The following GSE1 variants were observed in gnomAD, a reference collection of about 807,000 sequenced individuals.
The protein encoded by GSE1 is genetic suppressor element 1.
GSE1 carries 32 observed loss-of-function variants against 112.6 expected under a neutral mutation model. That is an observed-to-expected ratio of 0.28 (90% CI 0.21 to 0.38). The LOEUF is 0.38. Ranked by LOEUF, GSE1 falls within the 10% of genes least tolerant of loss-of-function variation. GSE1 has a pLI of 1.00. For missense variants in GSE1, 2,348 were observed against 1,699.2 expected (o/e 1.38, Z -6.71); for synonymous variants, 1,115 against 735.6 (o/e 1.52, Z -8.35).
chr16:85,361,146 A>AC, intron 2 of GSE1, among the ~76,000 whole-genome samples: 1 of 139,614 alleles, frequency 7.2e-6, no homozygotes, highest in Non-Finnish European at 1.6e-5. Context: ...CCCCACACAA[A>AC]CACACAGACA....
chr16:85,324,705 A>T (rs1413400824), intron 1 of GSE1, among the ~76,000 whole-genome samples: 1 of 152,114 alleles, frequency 6.6e-6, no homozygotes, highest in African/African-American at 2.4e-5. Flanking sequence ...GAACGAACAC[A>T]GAGGGTGGGT....
At chr16:85,422,374 G>GA (rs2048866426) in intron 2 of GSE1, among the ~76,000 whole-genome samples, 1 of 152,160 alleles carries the variant, frequency 6.6e-6, no homozygotes, top group African/African-American at 2.4e-5. Flanking sequence ...CGGGGCGGGG[G>GA]GGGGTGCCCC....
chr16:85,451,109 T>G (rs2049667427), intron 2 of GSE1, among the ~76,000 whole-genome samples: 1 of 147,082 alleles, frequency 6.8e-6, no homozygotes, highest in Non-Finnish European at 1.5e-5. Flanking sequence ...GCCAGGTTTA[T>G]TCAGATATAG....
intron 1 of GSE1, among the ~76,000 whole-genome samples, chr16:85,315,795 C>T (rs1308206954): frequency 6.6e-6 from 1 of 152,218 alleles, no homozygotes; most frequent in Non-Finnish European, 1.5e-5. Context: ...ACTGGGCACC[C>T]TGTATTCTTA....
intron 2 of GSE1, among the ~76,000 whole-genome samples, chr16:85,397,651 G>C (rs1411041008): frequency 6.6e-6 from 1 of 152,218 alleles, no homozygotes; most frequent in East Asian, 1.9e-4. Context: ...GAGCACCAGG[G>C]TGCGGGAGGC....
chr16:85,495,102 A>G (rs1418718405), intron 2 of GSE1, among the ~76,000 whole-genome samples: 3 of 152,170 alleles, frequency 2.0e-5, no homozygotes, highest in Non-Finnish European at 2.9e-5. Flanking sequence ...TAAATTATTT[A>G]ACGTGTGGTT....
intron 1 of GSE1, among the ~76,000 whole-genome samples, chr16:85,178,593 C>T (rs72814240): frequency 0.024 from 3,714 of 152,052 alleles, 70 homozygotes; most frequent in Non-Finnish European, 0.041. Context: ...CGGACGGCAT[C>T]GTGGGCACAG....
At chr16:85,261,585 C>T (rs1476508286) in intron 1 of GSE1, among the ~76,000 whole-genome samples, 2 of 152,198 alleles carry the variant, frequency 1.3e-5, no homozygotes, top group African/African-American at 4.8e-5. Flanking sequence ...GAGTGGAGGG[C>T]TGCCCCGTGT....
At chr16:85,501,817 G>A (rs2051377893) in intron 2 of GSE1, among the ~76,000 whole-genome samples, 1 of 152,254 alleles carries the variant, frequency 6.6e-6, no homozygotes, top group Non-Finnish European at 1.5e-5. Flanking sequence ...TTTAGAATGG[G>A]AACCCAGCCC....
intron 2 of GSE1, among the ~76,000 whole-genome samples, chr16:85,364,555 G>T (rs2047148432): frequency 6.6e-6 from 1 of 152,152 alleles, no homozygotes; most frequent in Non-Finnish European, 1.5e-5. Flanking sequence ...GTTCATGGTG[G>T]GTCTTCCTGA....
intron 1 of GSE1, among the ~76,000 whole-genome samples, chr16:85,572,717 C>T (rs972882439): frequency 6.6e-6 from 1 of 152,214 alleles, no homozygotes; most frequent in African/African-American, 2.4e-5. Context: ...CTCCCCCAAC[C>T]CTAGGGGCCC....
chr16:85,217,147 G>T (rs910607418), intron 1 of GSE1, among the ~76,000 whole-genome samples: 25 of 152,362 alleles, frequency 1.6e-4, no homozygotes, highest in Admixed American at 4.6e-4. Context: ...GGTGATGAGA[G>T]TAGCGACTTC....
chr16:85,615,059 G>A (rs899976108), intron 1 of GSE1, among the ~76,000 whole-genome samples: 2 of 152,238 alleles, frequency 1.3e-5, no homozygotes, highest in Admixed American at 6.5e-5. Flanking sequence ...GGGTGGAAGG[G>A]GGAACCCAGG....
intron 1 of GSE1, among the ~76,000 whole-genome samples, chr16:85,335,998 G>A (rs949146461): frequency 6.6e-6 from 1 of 152,152 alleles, no homozygotes; most frequent in Non-Finnish European, 1.5e-5. Context: ...GGGCAGGACC[G>A]CATACTAGGA....
chr16:85,304,474 C>A (rs1332901264), intron 1 of GSE1, among the ~76,000 whole-genome samples: 3 of 152,196 alleles, frequency 2.0e-5, no homozygotes, highest in Middle Eastern at 3.2e-3. Context: ...AGGGGCAGTG[C>A]CCTCAGCTCT....
At chr16:85,275,547 G>T (rs903710096) in intron 1 of GSE1, among the ~76,000 whole-genome samples, 9 of 152,210 alleles carry the variant, frequency 5.9e-5, no homozygotes, top group Non-Finnish European at 1.0e-4. Context: ...GAAAAGAGAA[G>T]ATTCCGGAGC....
intron 2 of GSE1, among the ~76,000 whole-genome samples, chr16:85,546,036 C>T (rs535803190): frequency 9.9e-5 from 15 of 152,276 alleles, no homozygotes; most frequent in East Asian, 1.9e-4. Flanking sequence ...CTGCCCACCT[C>T]GGCCTCCCAA....
rs1567778677 is a variant in GSE1 at position 85,673,300 on chromosome 16, T to G, written c.*761T>G. ...ACAGACGTAAATTTTGAGAGAAAAG[T>G]CAAAGGTGCTTCAGCCTTGTACTGT... On this transcript the variant is annotated 3_prime_UTR_variant, in exon 16 of 16. Coordinates refer to ENST00000253458, the MANE Select transcript of GSE1 (RefSeq NM_014615.5). The G allele has an allele frequency of 1.3e-5, 2 of 152,472 alleles. No homozygotes were observed. Among genetic ancestry groups the G allele is most frequent in the East Asian group, 1.9e-4 (1 of 5,176 alleles). 9.4% of individuals were successfully genotyped at this position (152,472 alleles called of 1,614,324 possible). A position where few individuals can be genotyped will look rare whatever the true frequency, so the allele number is the denominator to read the frequency against.
In GSE1 at chr16:85,169,691, C is replaced by T. The variant is rs555828792; in HGVS notation, c.167C>T (p.Thr56Ile). The T allele has an allele frequency of 3.7e-5, 36 of 983,068 alleles. 1 individual carries two copies. The East Asian group carries it at 9.2e-4, about 25-fold the overall frequency. 60.9% of individuals were successfully genotyped at this position (983,068 alleles called of 1,614,324 possible). Residue 56 changes from threonine (T) to isoleucine (I), a missense_variant, in exon 1 of 3, where the codon ACC (threonine) becomes ATC (isoleucine). Transcript: ENST00000637419. Reference sequence around the variant, plus strand: ...AAGCAGCCGGCGGCGGGCGCGGGGACCCCGGCGCAGCCCTTCTTCCCGTTC... The same window carrying T: ...AAGCAGCCGGCGGCGGGCGCGGGGATCCCGGCGCAGCCCTTCTTCCCGTTC...
Sources: gnomAD v4.1 joint callset for allele counts (sites outside exome capture counted in the v4.1 genomes callset) on GRCh38, gnomAD v4.1.1 for gene constraint, MANE v1.5 for transcripts, NCBI Gene and HGNC (gene_info 2026-07-23, HGNC 2026-07-21) for gene names.